The following BBS9 variants were observed in gnomAD, a reference collection of about 807,000 sequenced individuals.
BBS9 encodes the protein Bardet-Biedl syndrome 9, also known as protein PTHB1.
A neutral mutation model predicts 117.7 loss-of-function variants in BBS9; 89 were observed. That is an observed-to-expected ratio of 0.76 (90% confidence interval 0.64 to 0.90). The LOEUF (loss-of-function observed/expected upper bound fraction) is 0.90, where lower values mean the gene tolerates loss of function less well. Among genes scored for constraint, BBS9 ranks in the 40% least tolerant of loss-of-function variants. The pLI is 0.00. For missense variants in BBS9, 982 were observed against 1,042.2 expected (o/e 0.94, Z 0.80); for synonymous variants, 379 against 370.9 (o/e 1.02, Z -0.25).
intron 9 of BBS9, among the ~76,000 whole-genome samples, chr7:33,330,020 GT>G (rs1044571705): frequency 1.4e-5 from 2 of 147,206 alleles, no homozygotes; most frequent in Admixed American, 1.4e-4. Flanking sequence ...ATAAAATTGT[GT>G]TTTTTTTTTG....
intron 2 of BBS9, among the ~76,000 whole-genome samples, chr7:33,151,814 G>A (rs1793370721): frequency 6.8e-6 from 1 of 147,668 alleles, no homozygotes; most frequent in Non-Finnish European, 1.5e-5. Flanking sequence ...GCTTCCCAAG[G>A]TGCTAGGATT....
intron 19 of BBS9, among the ~76,000 whole-genome samples, chr7:33,412,631 T>C (rs1315047370): frequency 6.6e-6 from 1 of 152,208 alleles, no homozygotes; most frequent in Admixed American, 6.5e-5. Context: ...GACTCCCAGT[T>C]TTGTCACTAT....
chr7:33,398,798 G>A (rs1387058297), intron 19 of BBS9, among the ~76,000 whole-genome samples: 1 of 152,042 alleles, frequency 6.6e-6, no homozygotes, highest in African/African-American at 2.4e-5. Context: ...GAGTACGGTG[G>A]CATTATCTTG....
At chr7:33,631,729 G>T (rs550038025) in intron 21 of BBS9, among the ~76,000 whole-genome samples, 2 of 152,244 alleles carry the variant, frequency 1.3e-5, no homozygotes, top group Admixed American at 1.3e-4. Context: ...AATTTCAGAT[G>T]GTAAGGAAAC....
chr7:33,392,814 A>G (rs1042098537), intron 19 of BBS9, among the ~76,000 whole-genome samples: 17 of 152,152 alleles, frequency 1.1e-4, no homozygotes, highest in Admixed American at 3.9e-4. Flanking sequence ...GTTGTAGTCT[A>G]TGGACTCTGA....
At chr7:33,283,642 CT>C (rs1296824005) in intron 9 of BBS9, among the ~76,000 whole-genome samples, 4 of 152,028 alleles carry the variant, frequency 2.6e-5, no homozygotes, top group Admixed American at 2.6e-4. Context: ...TCTTTTGTTT[CT>C]TTAGGAAGTT....
chr7:33,350,522 G>A (rs1818445570), intron 13 of BBS9, among the ~76,000 whole-genome samples: 1 of 152,158 alleles, frequency 6.6e-6, no homozygotes, highest in South Asian at 2.1e-4. Flanking sequence ...TGGCTACTGT[G>A]TAACACTCCT....
intron 9 of BBS9, among the ~76,000 whole-genome samples, chr7:33,316,302 T>A (rs1019485401): frequency 1.3e-5 from 2 of 152,208 alleles, no homozygotes; most frequent in Non-Finnish European, 2.9e-5. Flanking sequence ...TGGCAATTTA[T>A]TTTTCTATTG....
chr7:33,332,000 T>G (rs1563011419), intron 9 of BBS9, among the ~76,000 whole-genome samples: 1 of 152,062 alleles, frequency 6.6e-6, no homozygotes, highest in East Asian at 1.9e-4. Context: ...GCCAAAGCAA[T>G]ACTAAGCAAA....
intron 9 of BBS9, among the ~76,000 whole-genome samples, chr7:33,301,787 A>G (rs1257710669): frequency 1.3e-5 from 2 of 152,094 alleles, no homozygotes; most frequent in Non-Finnish European, 2.9e-5. Flanking sequence ...TTTTGTGTAT[A>G]TAAGAGGGAG....
intron 19 of BBS9, among the ~76,000 whole-genome samples, chr7:33,396,768 A>G (rs1563115837): frequency 6.6e-6 from 1 of 152,202 alleles, no homozygotes; most frequent in East Asian, 1.9e-4. Flanking sequence ...GCAAGACTAC[A>G]GTAACCAAAA....
At chr7:33,606,978 T>G (rs1358039546), downstream of BBS9, among the ~76,000 whole-genome samples, 2 of 152,146 alleles carry the variant, frequency 1.3e-5, no homozygotes, top group African/African-American at 4.8e-5. Flanking sequence ...CTGTCTCCTC[T>G]TAAGGTTCTC....
In BBS9 at chr7:33,395,931, G is replaced by T. The variant is rs529265228; in HGVS notation, c.2115+7787G>T. Among the ~76,000 whole-genome samples, 13 of 152,264 alleles carry T rather than the reference G, an allele frequency of 8.5e-5. No individual in the cohort carries two copies. The South Asian group carries it at 2.7e-3, about 32-fold the overall frequency. On this transcript the variant is annotated intron_variant, in intron 19 of 22. Coordinates refer to ENST00000242067, the MANE Select transcript of BBS9 (RefSeq NM_198428.3). ...AAGAAGGAGCTTTCATGGATGTGGT[G>T]ATGTTGCTGGGCTTGTTTTTCATAT...
chr7:33,410,896 A>G (rs902944177), intron 19 of BBS9, among the ~76,000 whole-genome samples: 1 of 151,458 alleles, frequency 6.6e-6, no homozygotes, highest in African/African-American at 2.4e-5. Flanking sequence ...CACGTCTCGT[A>G]AGATCCATAG....
At chr7:33,544,753 TC>T (rs890194597) in intron 21 of BBS9, among the ~76,000 whole-genome samples, 7 of 152,208 alleles carry the variant, frequency 4.6e-5, no homozygotes, top group African/African-American at 1.7e-4. Flanking sequence ...GCCCTAGAAC[TC>T]CCAAGATTAT....
intron 12 of BBS9, among the ~76,000 whole-genome samples, chr7:33,347,030 G>GC: frequency 6.6e-6 from 1 of 152,074 alleles, no homozygotes; most frequent in Non-Finnish European, 1.5e-5. Flanking sequence ...TTGGTTAAAG[G>GC]CATGGGCTCA....
At chr7:33,524,715 GA>G (rs1223734136) in intron 20 of BBS9, among the ~76,000 whole-genome samples, 1 of 151,992 alleles carries the variant, frequency 6.6e-6, no homozygotes. Flanking sequence ...TGGATTCATT[GA>G]TTTTTTGAAG....
chr7:33,224,419 T>C (rs1790852544), intron 5 of BBS9, among the ~76,000 whole-genome samples: 1 of 152,220 alleles, frequency 6.6e-6, no homozygotes. Context: ...CAAATAATAA[T>C]TTGAAAGCAG....
At chr7:33,615,885 G>T (rs1467360369) in intron 21 of BBS9, among the ~76,000 whole-genome samples, 2 of 152,046 alleles carry the variant, frequency 1.3e-5, no homozygotes, top group African/African-American at 4.8e-5. Context: ...TAAGCAAGAA[G>T]GGTGGAGTAA....
Sources: allele counts gnomAD v4.1 joint callset (sites outside exome capture counted in the v4.1 genomes callset), GRCh38; gene constraint gnomAD v4.1.1; transcripts MANE v1.5; gene names NCBI Gene and HGNC (gene_info 2026-07-23, HGNC 2026-07-21).